Variants in IMPG1 observed in about 807,000 individuals in gnomAD.
IMPG1 encodes interphotoreceptor matrix proteoglycan of 150 kDa.
IMPG1 carries 85 observed loss-of-function variants against 92.0 expected under a neutral mutation model. That is an observed-to-expected ratio of 0.92 (90% CI 0.78 to 1.11). IMPG1 has a LOEUF of 1.11. Among genes scored for constraint, IMPG1 ranks in the 50% least tolerant of loss-of-function variants. The probability of loss-of-function intolerance (pLI) is 0.00; values close to 1 mark genes in which losing one functional copy is unlikely to be tolerated. For missense variants in IMPG1, 1,022 were observed against 956.0 expected, an observed-to-expected ratio of 1.07 and a Z score of -0.91; for synonymous variants, 367 against 334.1, an observed-to-expected ratio of 1.10 and a Z score of -1.08.
Position 75,948,628 on chromosome 6 carries a change from A to C in IMPG1, c.1825-1095T>G, listed in dbSNP as rs577560802. Among the ~76,000 whole-genome samples, 6 of 152,084 alleles carry C rather than the reference A, an allele frequency of 3.9e-5. No individual in the cohort carries two copies. In the South Asian group the frequency reaches 1.3e-3, roughly 32 times the overall value. ...GGACAGAACTTACTTGACTAGCCTC[A>C]TTCTTGGTGTCTTAGCATTGCTTTG... On this transcript the variant is annotated intron_variant, in intron 13 of 16. Transcript: ENST00000369950.
intron 14 of IMPG1, among the ~76,000 whole-genome samples, chr6:75,932,807 T>C (rs1781686558): frequency 6.6e-6 from 1 of 151,962 alleles, no homozygotes; most frequent in African/African-American, 2.4e-5. Context: ...TTCAAGCGAT[T>C]CTCCTGCCTC....
At chr6:76,049,191 G>C (rs1397039406) in intron 1 of IMPG1, among the ~76,000 whole-genome samples, 1 of 152,292 alleles carries the variant, frequency 6.6e-6, no homozygotes, top group East Asian at 1.9e-4. Flanking sequence ...GGGCCTATCA[G>C]AGAGTGGAGG....
chr6:75,978,038 C>T (rs1782568658), intron 12 of IMPG1, among the ~76,000 whole-genome samples: 1 of 152,016 alleles, frequency 6.6e-6, no homozygotes. Flanking sequence ...AGTCCTCCCG[C>T]CTTAGCTTTC....
chr6:76,003,929 G>A lies in IMPG1; in HGVS notation c.1157C>T (p.Ala386Val), dbSNP rs144437882. ...CTCTGATTGGGTGTCAGGACCAAAG[G>A]CTGGCAGTGATCCAGCAATTTCTAT... ...FTDEIAGSLP[A>V]FGPDTQSELP... The change falls in exon 11 of 17, where the codon GCC becomes GTC. Residue 386 changes from alanine (A) to valine (V), a missense_variant. Transcript: ENST00000369950. 1.9e-6 allele frequency: 3 copies of A among 1,612,622 alleles called. No individual in the cohort carries two copies. The highest frequency in any genetic ancestry group is 2.5e-6 in the Non-Finnish European group (3 of 1,179,424).
chr6:75,955,935 T>A (rs2149459571), intron 12 of IMPG1, among the ~76,000 whole-genome samples: 1 of 152,354 alleles, frequency 6.6e-6, no homozygotes, highest in Non-Finnish European at 1.5e-5. Context: ...CAGCCTTGCA[T>A]CCCAGGGATG....
chr6:75,939,316 A>T (rs974626779), intron 14 of IMPG1, among the ~76,000 whole-genome samples: 17 of 152,146 alleles, frequency 1.1e-4, no homozygotes, highest in Non-Finnish European at 2.1e-4. Context: ...TTCATTTAAC[A>T]TTAGGTATAT....
chr6:75,967,011 C>G (rs1470626792), intron 12 of IMPG1, among the ~76,000 whole-genome samples: 2 of 152,136 alleles, frequency 1.3e-5, no homozygotes, highest in Non-Finnish European at 2.9e-5. Flanking sequence ...AAACCCATCT[C>G]TACTAAAAAT....
Position 75,931,046 on chromosome 6 carries a change from T to G in IMPG1, c.2150A>C (p.Asp717Ala), listed in dbSNP as rs774819516. Residue 717 changes from aspartate to alanine, a missense_variant, in exon 15 of 17, where the codon GAC becomes GCC. This residue lies in a region of IMPG1 where 332 missense variants were observed against 346.2 expected (regional missense o/e 0.96). Transcript: ENST00000369950. ...EAECRCKPGY[D>A]SQGSLDGLEP... is the part of the protein sequence containing the mutation. ...CAGACCGTCCAGGCTCCCCTGGCTG[T>G]CATATCCTGGTTTGCAGCGACACTC... The G allele has an allele frequency of 1.9e-6, 3 of 1,614,210 alleles. No homozygotes were observed. Among genetic ancestry groups the G allele is most frequent in the Admixed American group, 1.7e-5 (1 of 60,026 alleles).
At chr6:76,034,004 A>G (rs923435686) in intron 4 of IMPG1, among the ~76,000 whole-genome samples, 1 of 152,240 alleles carries the variant, frequency 6.6e-6, no homozygotes, top group South Asian at 2.1e-4. Flanking sequence ...AATTCTAAAA[A>G]TCAAACTAGT....
intron 14 of IMPG1, among the ~76,000 whole-genome samples, chr6:75,937,894 T>G (rs2149452749): frequency 6.6e-6 from 1 of 152,336 alleles, no homozygotes; most frequent in South Asian, 2.1e-4. Flanking sequence ...AAGTTATATG[T>G]GGTTTTGCAT....
intron 12 of IMPG1, among the ~76,000 whole-genome samples, chr6:75,987,030 A>G (rs2149471690): frequency 6.6e-6 from 1 of 152,308 alleles, no homozygotes; most frequent in African/African-American, 2.4e-5. Flanking sequence ...AATGAAGGGC[A>G]CTCACAGTTG....
At chr6:76,069,119 G>T (rs1326126155) in intron 1 of IMPG1, among the ~76,000 whole-genome samples, 1 of 151,970 alleles carries the variant, frequency 6.6e-6, no homozygotes, top group Non-Finnish European at 1.5e-5. Flanking sequence ...ATATACACTG[G>T]GGAAAGAAGA....
intron 5 of IMPG1, 114 bp from the exon 6 acceptor site, chr6:76,022,333 G>A (rs113892912): frequency 3.9e-6 from 2 of 516,686 alleles, no homozygotes; most frequent in African/African-American, 2.0e-5. Flanking sequence ...CAGATATTAG[G>A]TGCCTTCTGA....
At chr6:75,982,597 G>A (rs1426969766) in intron 12 of IMPG1, among the ~76,000 whole-genome samples, 2 of 148,540 alleles carry the variant, frequency 1.3e-5, no homozygotes, top group Admixed American at 1.3e-4. Flanking sequence ...ATATATATAT[G>A]TGTGTGTATA....
rs774787008 is a variant in IMPG1, at chr6:76,022,175, C to A, written c.607G>T (p.Asp203Tyr). Residue 203 changes from aspartate to tyrosine, a missense_variant, in exon 6 of 17, where the codon GAC (aspartate) becomes TAC (tyrosine). Transcript: ENST00000369950. ...SLGPFPLTPD[D>Y]TLLNEILDNT... is the part of the protein sequence containing the mutation. ...TCGAGAATTTCATTGAGGAGGGTGTCATCAGGAGTGAGAGGGAAAGGCCCA... is the reference window on the plus strand; with the variant it reads ...TCGAGAATTTCATTGAGGAGGGTGTAATCAGGAGTGAGAGGGAAAGGCCCA... The A allele has an allele frequency of 8.1e-6, 13 of 1,597,688 alleles. No homozygotes were observed. Among genetic ancestry groups the A allele is most frequent in the Non-Finnish European group, 1.1e-5 (13 of 1,168,804 alleles).
At position 75,947,298 on chromosome 6, in the gene IMPG1, G is replaced by A. The variant is rs757203031; in HGVS notation, c.2044+16C>T. 10 of 1,579,616 alleles carry A rather than the reference G, an allele frequency of 6.3e-6. No individual in the cohort carries two copies. The highest frequency in any genetic ancestry group is 7.8e-6 in the Non-Finnish European group (9 of 1,149,320). On this transcript the variant is annotated intron_variant, in intron 14 of 16. Coordinates refer to ENST00000369950, the MANE Select transcript of IMPG1 (RefSeq NM_001563.4). ...AACAAAACATCTCTACCACTTTCTG[G>A]GTTGGATTCTTTTACCTGGTTCAAT...
rs560677334 is a variant in IMPG1, at chr6:75,994,160, A to G, written c.1291+8758T>C. Among the ~76,000 whole-genome samples, 48 of 152,366 alleles carry G rather than the reference A, an allele frequency of 3.2e-4. No individual in the cohort carries two copies. The South Asian group carries it at 9.7e-3, about 31-fold the overall frequency. On this transcript the variant is annotated intron_variant, in intron 12 of 16. Coordinates refer to ENST00000369950, the MANE Select transcript of IMPG1 (RefSeq NM_001563.4). Reference sequence around the variant, plus strand: ...TAAATCCAAAGTGAAAAATATGCCAAACACCCAAAACTGAAATTGGGAAAC... The same window carrying G: ...TAAATCCAAAGTGAAAAATATGCCAGACACCCAAAACTGAAATTGGGAAAC...
chr6:75,951,060 G>T lies in IMPG1; in HGVS notation c.1326C>A (p.Thr442=). Residue 442 remains threonine (T), a synonymous_variant, in exon 13 of 17, where the codon ACC becomes ACA. Coordinates refer to ENST00000369950, the MANE Select transcript of IMPG1 (RefSeq NM_001563.4). The stretch of plus-strand genomic sequence containing the variant: ...AGAAAGGTGGAGCTTCTGACAGGGA[G>T]GTAGAGGCCATAGCAGGTGGAGACC... ...TSWSPPAMAS[T]SLSEAPPFFM... 1 of 1,613,352 alleles carries T rather than the reference G, an allele frequency of 6.2e-7. No individual in the cohort carries two copies.
rs535290135 is a variant in IMPG1 at position 75,923,711 on chromosome 6, A to G, written c.2244-5T>C. 2.6e-6 allele frequency: 4 copies of G among 1,559,592 alleles called. No individual in the cohort carries two copies. In the Admixed American group the frequency reaches 6.8e-5, roughly 27 times the overall value. On this transcript the variant is annotated splice_polypyrimidine_tract_variant and splice_region_variant and intron_variant, in intron 15 of 16. Coordinates refer to ENST00000369950, the MANE Select transcript of IMPG1 (RefSeq NM_001563.4). ...TTTTCAGAGTGATCTGGCAACCTAC[A>G]AAAGAAAGCAAAAACATAGTATCTT...
Sources: allele counts gnomAD v4.1 joint callset (sites outside exome capture counted in the v4.1 genomes callset), GRCh38; gene constraint gnomAD v4.1.1; regional missense constraint gnomAD v4.1.1; transcripts MANE v1.5; gene names NCBI Gene and HGNC (gene_info 2026-07-23, HGNC 2026-07-21).